The following CNKSR2 variants were observed in gnomAD, a reference collection of about 807,000 sequenced individuals.
CNKSR2 encodes the protein connector enhancer of kinase suppressor of Ras 2.
Under a neutral mutation model 84.4 loss-of-function variants are expected in CNKSR2, and 14 were observed. The ratio of observed to expected loss-of-function variants is 0.17; its 90% confidence interval spans 0.11 to 0.26. The LOEUF (loss-of-function observed/expected upper bound fraction) is 0.26, where lower values mean the gene tolerates loss of function less well. Ranked by LOEUF, CNKSR2 falls within the 10% of genes least tolerant of loss-of-function variation. CNKSR2 has a pLI of 1.00. For synonymous variants in CNKSR2, 275 were observed against 277.9 expected, an observed-to-expected ratio of 0.99 and a Z score of 0.10; for missense variants, 485 against 771.2, an observed-to-expected ratio of 0.63 and a Z score of 4.40.
chrX:21,565,325 G>A (rs566459650), intron 13 of CNKSR2, among the ~76,000 whole-genome samples: 1 of 111,595 alleles, frequency 9.0e-6, no homozygotes, highest in East Asian at 2.8e-4. Context: ...TATTAAATTA[G>A]GGAAGACAGT....
In CNKSR2 at chrX:21,590,552, C is replaced by T. The variant is rs1180895409; in HGVS notation, c.1609-20C>T. 19 of 1,198,414 alleles carry T rather than the reference C, an allele frequency of 1.6e-5. No individual in the cohort carries two copies. Among genetic ancestry groups the T allele is most frequent in the Non-Finnish European group, 2.0e-5 (18 of 885,498 alleles). On this transcript the variant is annotated intron_variant, in intron 13 of 21. Transcript: ENST00000379510. The stretch of plus-strand genomic sequence containing the variant: ...CACACCCTGAGTATCAGATAACATT[C>T]TTTTTATCTTTGATTTCAGACATTT...
intron 4 of CNKSR2, among the ~76,000 whole-genome samples, chrX:21,458,350 G>A (rs1289511194): frequency 2.7e-5 from 3 of 112,319 alleles, no homozygotes; most frequent in Non-Finnish European, 3.8e-5. Context: ...AGTTTTATTG[G>A]ACAGTGCTAC....
chrX:21,524,292 T>A (rs946781237), intron 9 of CNKSR2, among the ~76,000 whole-genome samples: 1 of 111,233 alleles, frequency 9.0e-6, no homozygotes, highest in Non-Finnish European at 1.9e-5. Context: ...GACTAATTTC[T>A]TTTTTCTCTG....
chrX:21,379,059 T>C (rs1380305202), intron 1 of CNKSR2, among the ~76,000 whole-genome samples: 4 of 112,323 alleles, frequency 3.6e-5, no homozygotes, highest in Admixed American at 1.9e-4. Context: ...CTTTTAGGTA[T>C]AAAAAGCAAA....
intron 6 of CNKSR2, chrX:21,495,086 T>C (rs1249596009): frequency 8.9e-6 from 1 of 112,390 alleles, no homozygotes; most frequent in Non-Finnish European, 1.9e-5. Context: ...AATGTTTGAC[T>C]TTAATATCTA....
chrX:21,645,071 A>G (rs770076817), intron 20 of CNKSR2: 32 of 111,800 alleles, frequency 2.9e-4, no homozygotes, highest in African/African-American at 1.0e-3. Flanking sequence ...CTTACTACCT[A>G]GAGGTCATAG....
intron 4 of CNKSR2, among the ~76,000 whole-genome samples, chrX:21,448,799 A>T (rs921531078): frequency 8.0e-5 from 9 of 111,802 alleles, no homozygotes; most frequent in African/African-American, 2.9e-4. Flanking sequence ...TCTGCTGAAG[A>T]AGTAGTTTTT....
chrX:21,394,650 C>T (rs1043405467), intron 1 of CNKSR2, among the ~76,000 whole-genome samples: 1 of 111,212 alleles, frequency 9.0e-6, no homozygotes, highest in African/African-American at 3.3e-5. Flanking sequence ...AGTAGTAAAC[C>T]GTGTATATCA....
chrX:21,537,966 GT>G (rs2091944616), intron 11 of CNKSR2: 1 of 110,423 alleles, frequency 9.1e-6, no homozygotes, highest in Admixed American at 9.6e-5. Context: ...CAGTTTGGTG[GT>G]TTTCTGTAGT....
intron 11 of CNKSR2, among the ~76,000 whole-genome samples, chrX:21,542,379 G>A (rs1276544993): frequency 8.9e-6 from 1 of 112,146 alleles, no homozygotes; most frequent in Non-Finnish European, 1.9e-5. Flanking sequence ...GCCTTGTAGA[G>A]TTTTGTGAGA....
chrX:21,459,657 T>C lies in CNKSR2; in HGVS notation c.520-11109T>C, dbSNP rs1485345727. 6.3e-5 allele frequency among the ~76,000 whole-genome samples: 7 copies of C among 111,254 alleles called. 1 individual carries two copies. In the East Asian group the frequency reaches 2.0e-3, roughly 31 times the overall value. On this transcript the variant is annotated intron_variant, in intron 4 of 21. Transcript: ENST00000379510. Reference sequence around the variant, plus strand: ...TTACATCAGCTGAGTTATATAAATATGTTTATCTGGATTTTTGTAAATTAC... The same window carrying C: ...TTACATCAGCTGAGTTATATAAATACGTTTATCTGGATTTTTGTAAATTAC...
chrX:21,462,084 T>C (rs941256049), intron 4 of CNKSR2, among the ~76,000 whole-genome samples: 11 of 111,671 alleles, frequency 9.9e-5, no homozygotes, highest in Non-Finnish European at 2.1e-4. Flanking sequence ...AGAATGTCAT[T>C]GGTATTTTGA....
intron 20 of CNKSR2, among the ~76,000 whole-genome samples, chrX:21,640,205 A>C (rs2092687129): frequency 9.0e-6 from 1 of 111,645 alleles, no homozygotes; most frequent in Non-Finnish European, 1.9e-5. Flanking sequence ...ATGTAACCTT[A>C]TCTCTGTGGG....
chrX:21,634,471 C>CA (rs1323501086), intron 20 of CNKSR2, among the ~76,000 whole-genome samples: 4 of 111,661 alleles, frequency 3.6e-5, no homozygotes, highest in Admixed American at 2.9e-4. Flanking sequence ...TCCCAAATGT[C>CA]AGACTGGTGT....
chrX:21,534,199 G>A (rs1165272839), intron 11 of CNKSR2, among the ~76,000 whole-genome samples: 2 of 110,053 alleles, frequency 1.8e-5, no homozygotes, highest in African/African-American at 6.6e-5. Context: ...ATCTTTCTGG[G>A]CCTGATGTAT....
In CNKSR2 at chrX:21,506,641, C is replaced by T. The variant is rs948974360; in HGVS notation, c.810+5053C>T. ...ATAAAGGAGATAAATTGTATGATAT[C>T]TCAATAATAGTTACTTCCTGTTAAC... On this transcript the variant is annotated intron_variant, in intron 8 of 21. Coordinates refer to ENST00000379510, the MANE Select transcript of CNKSR2 (RefSeq NM_014927.5). 6 of 111,392 alleles carry T rather than the reference C, an allele frequency of 5.4e-5. No homozygotes were observed. In the Admixed American group the frequency reaches 5.7e-4, roughly 11 times the overall value. The allele number at this position is 111,392 out of a possible 1,213,427, so 9.2% of individuals were successfully genotyped here.
At chrX:21,562,274 A>C (rs752239504) in intron 12 of CNKSR2, among the ~76,000 whole-genome samples, 1 of 111,368 alleles carries the variant, frequency 9.0e-6, no homozygotes, top group African/African-American at 3.3e-5. Flanking sequence ...AGAGAGCCGT[A>C]AGGTCGTAGG....
intron 18 of CNKSR2, among the ~76,000 whole-genome samples, chrX:21,602,979 C>T (rs1037917620): frequency 1.6e-4 from 18 of 111,984 alleles, no homozygotes; most frequent in East Asian, 2.8e-4. Flanking sequence ...GGCATTACTA[C>T]GAACCTGAGC....
intron 4 of CNKSR2, among the ~76,000 whole-genome samples, chrX:21,467,814 C>T (rs1201629201): frequency 1.8e-5 from 2 of 110,305 alleles, no homozygotes; most frequent in African/African-American, 6.6e-5. Flanking sequence ...TGAGTGTGCA[C>T]CAATATTTTA....
Sources: allele counts gnomAD v4.1 joint callset (sites outside exome capture counted in the v4.1 genomes callset), GRCh38; gene constraint gnomAD v4.1.1; transcripts MANE v1.5; gene names NCBI Gene and HGNC (gene_info 2026-07-23, HGNC 2026-07-21).